Variants in CCDC91 observed in about 807,000 individuals in gnomAD.
CCDC91 encodes the protein coiled-coil domain containing 91.
CCDC91 carries 48 observed loss-of-function variants against 63.2 expected under a neutral mutation model. The ratio of observed to expected loss-of-function variants is 0.76; its 90% CI spans 0.60 to 0.97. The LOEUF is 0.97. Among genes scored for constraint, CCDC91 ranks in the 50% least tolerant of loss-of-function variants. CCDC91 has a pLI of 0.00. For synonymous variants in CCDC91, 167 were observed against 165.8 expected (o/e 1.01, Z -0.06); for missense variants, 500 against 494.6 (o/e 1.01, Z -0.10).
At chr12:28,289,025 A>C (rs1380955508) in intron 3 of CCDC91, among the ~76,000 whole-genome samples, 2 of 152,110 alleles carry the variant, frequency 1.3e-5, no homozygotes, top group South Asian at 2.1e-4. Flanking sequence ...GGTCAGTGAT[A>C]ATATCCCTTT....
intron 3 of CCDC91, among the ~76,000 whole-genome samples, chr12:28,293,051 G>A (rs1431201913): frequency 6.6e-6 from 1 of 152,002 alleles, no homozygotes. Flanking sequence ...TAAATAACAG[G>A]CAAAGAAAAG....
chr12:28,503,239 A>G (rs1287289400), intron 12 of CCDC91, among the ~76,000 whole-genome samples: 1 of 152,138 alleles, frequency 6.6e-6, no homozygotes, highest in African/African-American at 2.4e-5. Flanking sequence ...ATTTACAAGA[A>G]AAAAAACAAA....
At chr12:28,531,216 T>C (rs1319973345) in intron 12 of CCDC91, among the ~76,000 whole-genome samples, 1 of 152,126 alleles carries the variant, frequency 6.6e-6, no homozygotes, top group African/African-American at 2.4e-5. Context: ...AACACAAAAT[T>C]GGTAATGCCG....
chr12:28,540,994 G>A (rs1416278337), intron 12 of CCDC91, among the ~76,000 whole-genome samples: 1 of 152,118 alleles, frequency 6.6e-6, no homozygotes, highest in African/African-American at 2.4e-5. Context: ...GAGATGACTA[G>A]AGTCCTAGCC....
intron 12 of CCDC91, among the ~76,000 whole-genome samples, chr12:28,538,119 G>A: frequency 6.8e-6 from 1 of 147,842 alleles, no homozygotes; most frequent in East Asian, 2.0e-4. Context: ...TATTTTTAGG[G>A]TTTTTTTTTA....
chr12:28,419,192 G>A (rs1947858787), intron 8 of CCDC91, among the ~76,000 whole-genome samples: 1 of 152,096 alleles, frequency 6.6e-6, no homozygotes, highest in Non-Finnish European at 1.5e-5. Flanking sequence ...CTAGTACTAG[G>A]CCATTACAAT....
chr12:28,364,924 T>C (rs1472077216), intron 7 of CCDC91, among the ~76,000 whole-genome samples: 1 of 152,176 alleles, frequency 6.6e-6, no homozygotes, highest in Non-Finnish European at 1.5e-5. Context: ...TTTTACATGA[T>C]ATCCAGTATA....
chr12:28,515,321 T>C (rs1592919864), intron 12 of CCDC91, among the ~76,000 whole-genome samples: 4 of 152,018 alleles, frequency 2.6e-5, no homozygotes, highest in South Asian at 2.1e-4. Flanking sequence ...CCTCCTATTA[T>C]TGGTTTTGTG....
intron 12 of CCDC91, among the ~76,000 whole-genome samples, chr12:28,488,591 T>C (rs911942501): frequency 2.6e-5 from 4 of 151,848 alleles, no homozygotes; most frequent in Admixed American, 1.3e-4. Context: ...GATCCTTACA[T>C]TGAATTTACA....
intron 6 of CCDC91, among the ~76,000 whole-genome samples, chr12:28,357,508 A>G (rs183900337): frequency 6.6e-6 from 1 of 152,306 alleles, no homozygotes; most frequent in East Asian, 1.9e-4. Context: ...TGTATGAAAT[A>G]TGATATGTGA....
intron 8 of CCDC91, among the ~76,000 whole-genome samples, chr12:28,429,375 A>G (rs967705215): frequency 9.2e-5 from 14 of 152,174 alleles, no homozygotes; most frequent in African/African-American, 3.1e-4. Flanking sequence ...ATCTGTAATG[A>G]TATTATGAAG....
At chr12:28,468,251 C>T (rs960459985) in intron 11 of CCDC91, among the ~76,000 whole-genome samples, 1 of 150,868 alleles carries the variant, frequency 6.6e-6, no homozygotes. Flanking sequence ...GGAGACACTA[C>T]ATCTGGTATC....
chr12:28,356,434 C>G (rs187499219), intron 6 of CCDC91, among the ~76,000 whole-genome samples: 1 of 152,174 alleles, frequency 6.6e-6, no homozygotes, highest in East Asian at 1.9e-4. Context: ...TTGGATTTTT[C>G]AGATTTTGGG....
At chr12:28,461,194 T>A (rs1158489703) in intron 11 of CCDC91, among the ~76,000 whole-genome samples, 1 of 152,056 alleles carries the variant, frequency 6.6e-6, no homozygotes, top group Middle Eastern at 3.2e-3. Context: ...GACAAAAATA[T>A]CATCATATGG....
intron 7 of CCDC91, among the ~76,000 whole-genome samples, chr12:28,367,299 G>A (rs1944337873): frequency 6.6e-6 from 1 of 152,130 alleles, no homozygotes; most frequent in Non-Finnish European, 1.5e-5. Flanking sequence ...GTAATAGACT[G>A]TATGAAGAAG....
At chr12:28,210,607 A>G (rs1943167084) in intron 1 of CCDC91, among the ~76,000 whole-genome samples, 1 of 152,186 alleles carries the variant, frequency 6.6e-6, no homozygotes, top group Non-Finnish European at 1.5e-5. Context: ...TAGAGCTTGA[A>G]TATCTGCTTT....
chr12:28,465,810 C>T (rs1270019638), intron 11 of CCDC91, among the ~76,000 whole-genome samples: 2 of 152,042 alleles, frequency 1.3e-5, no homozygotes, highest in East Asian at 1.9e-4. Context: ...AACATGACCT[C>T]CCCAAATAAA....
At chr12:28,541,165 CTAA>C (rs1214269432) in intron 12 of CCDC91, among the ~76,000 whole-genome samples, 1 of 152,118 alleles carries the variant, frequency 6.6e-6, no homozygotes, top group African/African-American at 2.4e-5. Context: ...CGATAGATAA[CTAA>C]TACAGCACAT....
intron 1 of CCDC91, chr12:28,226,246 A>G (rs1468545897): frequency 1.6e-4 from 24 of 152,246 alleles, no homozygotes; most frequent in Admixed American, 1.6e-3. Flanking sequence ...AGGGAAGACT[A>G]TTAATAGATT....
Sources: gnomAD v4.1 joint callset for allele counts (sites outside exome capture counted in the v4.1 genomes callset) on GRCh38, gnomAD v4.1.1 for gene constraint, MANE v1.5 for transcripts, NCBI Gene and HGNC (gene_info 2026-07-23, HGNC 2026-07-21) for gene names.